Variants in ASAH1 observed in about 807,000 individuals in gnomAD.
The protein encoded by ASAH1 is N-acylsphingosine amidohydrolase 1.
In ASAH1, 70 loss-of-function variants were observed where a neutral mutation model predicts 59.5. The observed-to-expected ratio is 1.18, with a 90% CI of 0.97 to 1.43. The LOEUF (loss-of-function observed/expected upper bound fraction) is 1.43. Among genes scored for constraint, ASAH1 ranks in the 40% most tolerant of loss-of-function variants. ASAH1 has a pLI of 0.00. For synonymous variants in ASAH1, 213 were observed against 166.5 expected (o/e 1.28, Z -2.15); for missense variants, 660 against 482.5 (o/e 1.37, Z -3.45).
chr8:18,079,221 C>A (rs111909710), intron 1 of ASAH1, among the ~76,000 whole-genome samples: 1 of 142,980 alleles, frequency 7.0e-6, no homozygotes, highest in Non-Finnish European at 1.5e-5. Context: ...TGCAGTGAGA[C>A]GAGATAGTGT....
rs1799601782 is a variant in ASAH1 at position 18,059,443 on chromosome 8, T to C, written c.939A>G (p.Arg313=). The change falls in exon 12 of 14, where the codon AGA becomes AGG. Residue 313 remains arginine, a synonymous_variant. Coordinates refer to ENST00000637790, the MANE Select transcript of ASAH1 (RefSeq NM_177924.5). The part of the protein sequence containing the change: ...DVYELDAKQG[R]WYVVQTNYDR... The stretch of plus-strand genomic sequence containing the variant: ...CATAATTTGTTTGTACCACATACCA[T>C]CTACCCTGCTTAGCATCGAGTCTAG... The C allele has an allele frequency of 6.2e-7, 1 of 1,614,224 alleles. No individual in the cohort carries two copies. The highest frequency in any genetic ancestry group is 8.5e-7 in the Non-Finnish European group (1 of 1,180,046).
intron 1 of ASAH1, among the ~76,000 whole-genome samples, chr8:18,079,738 T>C (rs553440630): frequency 5.5e-4 from 84 of 152,352 alleles, no homozygotes; most frequent in African/African-American, 2.0e-3. Flanking sequence ...AATTTTTCAT[T>C]CATTCAATTC....
intron 2 of ASAH1, among the ~76,000 whole-genome samples, chr8:18,072,761 G>A (rs542684708): frequency 4.8e-4 from 73 of 152,206 alleles, no homozygotes; most frequent in African/African-American, 1.7e-3. Context: ...TTATGGGCAG[G>A]TATTACTAGT....
chr8:18,075,500 C>A, intron 2 of ASAH1, 41 bp downstream of exon 2: 1 of 1,607,692 alleles, frequency 6.2e-7, no homozygotes, highest in Non-Finnish European at 8.5e-7. Flanking sequence ...AAAAACTTCA[C>A]AAAGGTCAAA....
chr8:18,061,532 T>C, intron 9 of ASAH1, 74 bp from the exon 10 acceptor site: 1 of 1,452,932 alleles, frequency 6.9e-7, no homozygotes, highest in Non-Finnish European at 9.7e-7. Context: ...CGGAAGAGGC[T>C]GGACTATATA....
chr8:18,060,596 C>T (rs1329947613), intron 10 of ASAH1: 1 of 152,196 alleles, frequency 6.6e-6, no homozygotes, highest in Non-Finnish European at 1.5e-5. Context: ...AACATTAAAT[C>T]TTATTCCCTG....
rs200503438 is a variant in ASAH1 at position 18,084,064 on chromosome 8, T to C, written c.-6A>G. On this transcript the variant is annotated 5_prime_UTR_variant, in exon 1 of 14. Coordinates refer to ENST00000637790, the MANE Select transcript of ASAH1 (RefSeq NM_177924.5). ...ACGCAACTCCGGCCCGGCATCGCTC[T>C]AGCAGCCAACGCCACTCCCCGGACT... 1.4e-4 allele frequency: 224 copies of C among 1,598,410 alleles called. No homozygotes were observed. Among genetic ancestry groups the C allele is most frequent in the Middle Eastern group, 1.7e-4 (1 of 6,038 alleles).
At chr8:18,069,188 G>A (rs549786183) in intron 4 of ASAH1, among the ~76,000 whole-genome samples, 13 of 149,620 alleles carry the variant, frequency 8.7e-5, no homozygotes, top group Admixed American at 2.0e-4. Context: ...TGTCATTAAT[G>A]CCCAAAATCT....
At chr8:18,066,525 T>G (rs1240841795) in intron 5 of ASAH1, 2 of 139,988 alleles carry the variant, frequency 1.4e-5, no homozygotes, top group East Asian at 4.1e-4. Flanking sequence ...ACAAAAAGGC[T>G]CAAATAAAGA....
At chr8:18,082,675 G>C (rs1027654534) in intron 1 of ASAH1, 1 of 152,248 alleles carries the variant, frequency 6.6e-6, no homozygotes, top group African/African-American at 2.4e-5. Flanking sequence ...TCATGCAACC[G>C]AAGTTCAAAT....
At chr8:18,079,444 A>C (rs2117091950) in intron 1 of ASAH1, among the ~76,000 whole-genome samples, 1 of 131,560 alleles carries the variant, frequency 7.6e-6, no homozygotes, top group South Asian at 2.5e-4. Flanking sequence ...ACATTCTAAA[A>C]AAAACACAAA....
intron 5 of ASAH1, 41 bp downstream of exon 5, chr8:18,067,179 T>C: frequency 6.4e-7 from 1 of 1,555,348 alleles, no homozygotes; most frequent in Non-Finnish European, 8.8e-7. Flanking sequence ...TGTAAAAGAA[T>C]TTAATTACTT....
rs527672822 is a variant in ASAH1 at position 18,082,062 on chromosome 8, A to C, written c.78+1919T>G. Among the ~76,000 whole-genome samples, 4 of 152,350 alleles carry C rather than the reference A, an allele frequency of 2.6e-5. No individual in the cohort carries two copies. In the South Asian group the frequency reaches 8.3e-4, roughly 32 times the overall value. ...AACAATGAAAACTTGAAGTCCATAC[A>C]ATCAGAGTAAAGATTAACATTCTAA... On this transcript the variant is annotated intron_variant, in intron 1 of 13. Transcript: ENST00000637790.
At chr8:18,084,661 C>T (rs759853049), upstream of ASAH1, 5 of 1,613,148 alleles carry the variant, frequency 3.1e-6, no homozygotes, top group Middle Eastern at 1.6e-4. Flanking sequence ...GTCCTCCAAG[C>T]TGTTGGTTAC....
chr8:18,059,985 G>T (rs532056367), intron 10 of ASAH1: 100 of 361,522 alleles, frequency 2.8e-4, no homozygotes, highest in South Asian at 2.3e-3. Context: ...CTGTGTTCAC[G>T]TGTTCTCTTT....
chr8:18,059,998 T>G, intron 10 of ASAH1: 1 of 345,212 alleles, frequency 2.9e-6, no homozygotes, highest in South Asian at 2.6e-5. Flanking sequence ...TTCTCTTTGT[T>G]CAGCTCTCAC....
At chr8:18,075,484 T>A (rs773585758) in intron 2 of ASAH1, 57 bp downstream of exon 2, 1 of 1,545,582 alleles carries the variant, frequency 6.5e-7, no homozygotes, top group Non-Finnish European at 8.9e-7. Context: ...AATTATTACA[T>A]ACAGAAAAAA....
chr8:18,062,189 T>A (rs1351948164), intron 8 of ASAH1, 90 bp downstream of exon 8: 1 of 1,557,298 alleles, frequency 6.4e-7, no homozygotes, highest in Non-Finnish European at 8.8e-7. Flanking sequence ...ATATTCCCTT[T>A]AGGTCCTCAT....
At chr8:18,064,770 A>G (rs558534031) in intron 5 of ASAH1, 6 of 469,978 alleles carry the variant, frequency 1.3e-5, no homozygotes, top group African/African-American at 5.8e-5. Flanking sequence ...GCAGGTTGCA[A>G]TTGTTCTCCA....
Sources: gnomAD v4.1 joint callset for allele counts (sites outside exome capture counted in the v4.1 genomes callset) on GRCh38, gnomAD v4.1.1 for gene constraint, MANE v1.5 for transcripts, NCBI Gene and HGNC (gene_info 2026-07-23, HGNC 2026-07-21) for gene names.